Variants in CFAP65 observed in about 807,000 individuals in gnomAD.
CFAP65 encodes the protein cilia and flagella associated protein 65.
CFAP65 carries 155 observed loss-of-function variants against 208.0 expected under a neutral mutation model. The observed-to-expected ratio is 0.75, with a 90% CI of 0.65 to 0.85. The LOEUF (loss-of-function observed/expected upper bound fraction) is 0.85, where lower values mean the gene tolerates loss of function less well. CFAP65 is among the 40% of genes least tolerant of loss of function. CFAP65 has a pLI of 0.00. For missense variants in CFAP65, 2,294 were observed against 2,451.3 expected, an observed-to-expected ratio of 0.94 and a Z score of 1.36; for synonymous variants, 970 against 986.3, an observed-to-expected ratio of 0.98 and a Z score of 0.31.
chr2:219,038,588 G>C lies in CFAP65; in HGVS notation c.154-10C>G. On this transcript the variant is annotated splice_polypyrimidine_tract_variant and intron_variant, in intron 3 of 34. Coordinates refer to ENST00000341552, the MANE Select transcript of CFAP65 (RefSeq NM_194302.4). ...CACTCTGAGTATGGAGCTGGGAAGA[G>C]AGCAGAGGGGAGAGGAGACAGGAGT... 6.2e-7 allele frequency: 1 copy of C among 1,608,374 alleles called. No homozygotes were observed. The highest frequency in any genetic ancestry group is 1.3e-5 in the African/African-American group (1 of 74,924).
At position 219,004,618 on chromosome 2, in the gene CFAP65, C is replaced by A. The variant is rs1460540889; in HGVS notation, c.5052-163G>T. Among the ~76,000 whole-genome samples, 1 of 152,222 alleles carries A rather than the reference C, an allele frequency of 6.6e-6. No individual in the cohort carries two copies. The highest frequency in any genetic ancestry group is 1.5e-5 in the Non-Finnish European group (1 of 68,048). The stretch of plus-strand genomic sequence containing the variant: ...CTGTCCCTTCTTTCAAGGAAGACAT[C>A]TTTGAGCCTCATGGATTTTTAGAAG... On this transcript the variant is annotated intron_variant, in intron 32 of 34. Transcript: ENST00000341552. The surrounding 1 kb of genome is among the most constrained non-coding windows in gnomAD (Gnocchi z 4.7).
Position 219,024,271 on chromosome 2 carries a change from G to A in CFAP65, c.2350-11C>T. On this transcript the variant is annotated splice_polypyrimidine_tract_variant and intron_variant, in intron 14 of 34. Transcript: ENST00000341552. The stretch of plus-strand genomic sequence containing the variant: ...CACTGCTGGAAATAGCTGGGGGTGG[G>A]AGAGGAGGAAAGCGGCCCCCCGCTC... 6.2e-6 allele frequency: 10 copies of A among 1,607,020 alleles called. No homozygotes were observed. The highest frequency in any genetic ancestry group is 8.5e-6 in the Non-Finnish European group (10 of 1,176,132).
At chr2:219,040,251 T>C (rs1948589257) in intron 2 of CFAP65, among the ~76,000 whole-genome samples, 2 of 152,208 alleles carry the variant, frequency 1.3e-5, no homozygotes, top group African/African-American at 4.8e-5. Context: ...TTCCTTATTT[T>C]AATGTGTTCA....
In CFAP65 at chr2:219,032,275, C is replaced by T. The variant is rs1948101903; in HGVS notation, c.645+195G>A. On this transcript the variant is annotated intron_variant, in intron 6 of 34. Transcript: ENST00000341552. This position sits in a 1 kb window ranked among gnomAD's most constrained non-coding sequence, Gnocchi z 5.5. ...ATAATATCGCAGCCTTTACCCCCAG[C>T]ATCTCCTGGGGAACGCCCTCTGTCT... Among the ~76,000 whole-genome samples, 1 of 152,204 alleles carries T rather than the reference C, an allele frequency of 6.6e-6. No individual in the cohort carries two copies. The highest frequency in any genetic ancestry group is 1.5e-5 in the Non-Finnish European group (1 of 68,036).
rs780420918 is a variant in CFAP65 at position 219,021,175 on chromosome 2, G to A, written c.3236C>T (p.Thr1079Ile). The A allele has an allele frequency of 1.3e-6, 2 of 1,587,998 alleles. No individual in the cohort carries two copies. The highest frequency in any genetic ancestry group is 1.7e-5 in the Admixed American group (1 of 57,334). The change falls in exon 19 of 35, where the codon ACC (threonine) becomes ATC (isoleucine). Residue 1079 changes from threonine (T) to isoleucine (I), a missense_variant. Transcript: ENST00000341552. ...ACCTCTGTGGGAAAGGAGAGAGTAG[G>A]TGATGGTCCAGGAGTACTGGGACCG... ...KQRSQYSWTI[T>I]YSLLSHRDNK...
chr2:219,016,258 C>T (rs1338289398), intron 21 of CFAP65, among the ~76,000 whole-genome samples: 1 of 149,668 alleles, frequency 6.7e-6, no homozygotes, highest in African/African-American at 2.5e-5. Flanking sequence ...CCTTTGTCCT[C>T]ACTGCCTTCT....
At position 219,004,112 on chromosome 2, in the gene CFAP65, C is replaced by G; in HGVS notation, c.5395G>C (p.Glu1799Gln). 1 of 1,613,992 alleles carries G rather than the reference C, an allele frequency of 6.2e-7. No homozygotes were observed. Residue 1799 changes from glutamate (E) to glutamine (Q), a missense_variant, in exon 33 of 35, where the codon GAG becomes CAG. By Grantham distance (29) the Glu-to-Gln change is conservative. Around this residue, in one of 2 missense-constraint regions of CFAP65, gnomAD observed 1,427 missense variants for 1,438.7 expected, o/e 0.99. Transcript: ENST00000341552. This position sits in a 1 kb window ranked among gnomAD's most constrained non-coding sequence, Gnocchi z 4.7. ...ELGKEEIEEK[E>Q]EERDEKEEKV... ...TCTTCCTTCTCATCCCTCTCCTCCTCCTTCTCCTCTATCTCCTCCTTGCCC... is the reference window on the plus strand; with the variant it reads ...TCTTCCTTCTCATCCCTCTCCTCCTGCTTCTCCTCTATCTCCTCCTTGCCC...
chr2:219,017,052 C>G (rs904493049), intron 21 of CFAP65, among the ~76,000 whole-genome samples: 1 of 152,222 alleles, frequency 6.6e-6, no homozygotes, highest in African/African-American at 2.4e-5. Context: ...GCTGCACACA[C>G]CTCCTTCACA....
chr2:219,003,561 A>T lies in CFAP65; in HGVS notation c.5556-289T>A, dbSNP rs1346263107. Among the ~76,000 whole-genome samples, 3 of 152,136 alleles carry T rather than the reference A, an allele frequency of 2.0e-5. No homozygotes were observed. The highest frequency in any genetic ancestry group is 4.4e-5 in the Non-Finnish European group (3 of 68,016). ...TAGAGAAAGGTAGGGAAGTGATGAG[A>T]GGGCGCAGAAGGGACTGGGTGGGGC... On this transcript the variant is annotated intron_variant, in intron 33 of 34. Coordinates refer to ENST00000341552, the MANE Select transcript of CFAP65 (RefSeq NM_194302.4). The surrounding 1 kb of genome is among the most constrained non-coding windows in gnomAD (Gnocchi z 4.4).
intron 11 of CFAP65, among the ~76,000 whole-genome samples, chr2:219,028,994 G>C (rs1947839430): frequency 6.6e-6 from 1 of 152,222 alleles, no homozygotes; most frequent in African/African-American, 2.4e-5. Context: ...AGGGACCTAG[G>C]GTTGGGGTCT....
chr2:219,018,799 CA>C (rs1304256975), intron 21 of CFAP65: 2 of 516,650 alleles, frequency 3.9e-6, no homozygotes, highest in African/African-American at 3.8e-5. Flanking sequence ...TTATTAAGGC[CA>C]CTATGCCCAG....
intron 27 of CFAP65, 46 bp downstream of exon 27, chr2:219,009,896 G>A (rs372467052): frequency 1.3e-6 from 2 of 1,554,082 alleles, no homozygotes; most frequent in African/African-American, 1.4e-5. Flanking sequence ...GGGGTTGGAT[G>A]GGTCTGGAGC....
chr2:219,007,764 A>G (rs74591968), intron 29 of CFAP65, among the ~76,000 whole-genome samples: 2,998 of 152,172 alleles, frequency 0.02, 101 homozygotes, highest in African/African-American at 0.068. Context: ...TAATCCTCAC[A>G]ACGTCACAAA....
At chr2:219,024,860 C>G (rs902846985) in intron 14 of CFAP65, among the ~76,000 whole-genome samples, 1 of 152,162 alleles carries the variant, frequency 6.6e-6, no homozygotes, top group Non-Finnish European at 1.5e-5. Context: ...CGCTTGAACC[C>G]AGGAGGCAGA....
chr2:219,038,361 G>T lies in CFAP65; in HGVS notation c.357+14C>A. On this transcript the variant is annotated intron_variant, in intron 4 of 34. Coordinates refer to ENST00000341552, the MANE Select transcript of CFAP65 (RefSeq NM_194302.4). The stretch of plus-strand genomic sequence containing the variant: ...TGCCACACCCTGCTCTGCCTGCCCT[G>T]GCTGTATCCTTACCTGGGCGCTGAT... 1 of 1,610,328 alleles carries T rather than the reference G, an allele frequency of 6.2e-7. No individual in the cohort carries two copies. The highest frequency in any genetic ancestry group is 8.5e-7 in the Non-Finnish European group (1 of 1,178,900).
chr2:219,016,979 CT>C (rs756403338), intron 21 of CFAP65, among the ~76,000 whole-genome samples: 9 of 152,250 alleles, frequency 5.9e-5, no homozygotes, highest in Non-Finnish European at 1.0e-4. Context: ...ACCTTTCTGC[CT>C]TTTCCCGCGA....
At chr2:219,019,956 C>T (rs774615648) in intron 19 of CFAP65, among the ~76,000 whole-genome samples, 1 of 152,140 alleles carries the variant, frequency 6.6e-6, no homozygotes, top group Non-Finnish European at 1.5e-5. Flanking sequence ...TAATGTGTAC[C>T]GTGATTTGGT....
intron 25 of CFAP65, 44 bp from the exon 26 acceptor site, chr2:219,010,748 G>T: frequency 6.3e-7 from 1 of 1,585,966 alleles, no homozygotes; most frequent in Non-Finnish European, 8.6e-7. Flanking sequence ...TCAGAGGGAG[G>T]CCTGCTGAGG....
At position 219,032,392 on chromosome 2, in the gene CFAP65, T is replaced by G; in HGVS notation, c.645+78A>C. 1 of 1,318,670 alleles carries G rather than the reference T, an allele frequency of 7.6e-7. No individual in the cohort carries two copies. Among genetic ancestry groups the G allele is most frequent in the Non-Finnish European group, 1.0e-6 (1 of 956,414 alleles). The allele number at this position is 1,318,670 out of a possible 1,614,324, so 81.7% of individuals were successfully genotyped here. ...TGTGTGTGTGCCGGGGCGCTCCTGG[T>G]TGCTCTGTCCTGTTTTCTGTTCTGA... On this transcript the variant is annotated intron_variant, in intron 6 of 34. Coordinates refer to ENST00000341552, the MANE Select transcript of CFAP65 (RefSeq NM_194302.4). The surrounding 1 kb of genome is among the most constrained non-coding windows in gnomAD (Gnocchi z 5.5).
Sources: allele counts gnomAD v4.1 joint callset (sites outside exome capture counted in the v4.1 genomes callset), GRCh38; gene constraint gnomAD v4.1.1; regional missense constraint gnomAD v4.1.1; non-coding constraint Gnocchi (gnomAD v3.1); transcripts MANE v1.5; gene names NCBI Gene and HGNC (gene_info 2026-07-23, HGNC 2026-07-21).